The following EBPL variants were observed in gnomAD, a reference collection of about 807,000 sequenced individuals.
The protein encoded by EBPL is emopamil-binding protein-like.
In EBPL, 20 loss-of-function variants were observed where a neutral mutation model predicts 19.0. The observed-to-expected ratio is 1.05, with a 90% CI of 0.74 to 1.53. The LOEUF (loss-of-function observed/expected upper bound fraction) is 1.53. Ranked by LOEUF, EBPL falls within the 40% of genes most tolerant of loss-of-function variation. EBPL has a pLI of 0.00. For missense variants in EBPL, 219 were observed against 261.1 expected (o/e 0.84, Z 1.11); for synonymous variants, 107 against 117.0 (o/e 0.91, Z 0.55).
intron 1 of EBPL, among the ~76,000 whole-genome samples, chr13:49,684,125 C>T (rs1372130302): frequency 6.6e-6 from 1 of 152,128 alleles, no homozygotes; most frequent in Admixed American, 6.5e-5. Context: ...GGATCATCTT[C>T]AAAGGGACAT....
At chr13:49,683,494 A>G (rs1034195830) in intron 1 of EBPL, among the ~76,000 whole-genome samples, 5 of 151,970 alleles carry the variant, frequency 3.3e-5, no homozygotes, top group Admixed American at 6.6e-5. Flanking sequence ...GCACCACTGC[A>G]CTCCAGCCTG....
chr13:49,676,819 T>C (rs940997049), intron 1 of EBPL, among the ~76,000 whole-genome samples: 2 of 152,166 alleles, frequency 1.3e-5, no homozygotes, highest in South Asian at 2.1e-4. Flanking sequence ...TGAGATTTTA[T>C]AGATAATCCC....
intron 2 of EBPL, among the ~76,000 whole-genome samples, chr13:49,665,684 C>T (rs1017543593): frequency 2.0e-5 from 3 of 151,038 alleles, no homozygotes; most frequent in Non-Finnish European, 2.9e-5. Flanking sequence ...GGATTACAGG[C>T]GTGGGCCACC....
At chr13:49,664,659 C>G (rs1267554450) in intron 2 of EBPL, among the ~76,000 whole-genome samples, 2 of 152,034 alleles carry the variant, frequency 1.3e-5, no homozygotes, top group East Asian at 3.9e-4. Context: ...CCTCGTCTCC[C>G]CCTTTAATAC....
At chr13:49,669,111 C>T (rs1953782448) in intron 2 of EBPL, among the ~76,000 whole-genome samples, 1 of 152,100 alleles carries the variant, frequency 6.6e-6, no homozygotes, top group African/African-American at 2.4e-5. Context: ...CATCTCCTGA[C>T]CTGGTGATCT....
intron 1 of EBPL, among the ~76,000 whole-genome samples, chr13:49,687,001 C>T (rs1280782094): frequency 6.6e-6 from 1 of 152,082 alleles, no homozygotes; most frequent in African/African-American, 2.4e-5. Flanking sequence ...TTAGCAAGGC[C>T]TCACTATGTT....
At position 49,661,779 on chromosome 13, in the gene EBPL, A is replaced by C. The variant is rs868476706; in HGVS notation, c.381-571T>G. The C allele has an allele frequency of 4.4e-5, 67 of 1,509,224 alleles. No individual in the cohort carries two copies. The South Asian group carries it at 7.8e-4, about 18-fold the overall frequency. The allele number at this position is 1,509,224 out of a possible 1,614,324, so 93.5% of individuals were successfully genotyped here. On this transcript the variant is annotated intron_variant, in intron 3 of 3. Coordinates refer to ENST00000242827, the MANE Select transcript of EBPL (RefSeq NM_032565.5). The stretch of plus-strand genomic sequence containing the variant: ...AAAAATTTAATTTTTATTGCCAACT[A>C]TCTCTCTAAAATTGGGTGGGGAAGG...
At chr13:49,666,305 G>A (rs1267375196) in intron 2 of EBPL, among the ~76,000 whole-genome samples, 1 of 152,184 alleles carries the variant, frequency 6.6e-6, no homozygotes, top group African/African-American at 2.4e-5. Context: ...CCCTTGATAG[G>A]GAGAGCTATC....
intron 1 of EBPL, among the ~76,000 whole-genome samples, chr13:49,683,086 G>A (rs1236668137): frequency 2.6e-5 from 4 of 152,064 alleles, no homozygotes; most frequent in Non-Finnish European, 5.9e-5. Context: ...CTATTCTCAC[G>A]CCTCAGCCTC....
chr13:49,662,939 A>G, intron 3 of EBPL, 118 bp downstream of exon 3: 1 of 1,370,980 alleles, frequency 7.3e-7, no homozygotes, highest in Non-Finnish European at 9.8e-7. Context: ...CCCAGCCTCT[A>G]TTCTTCCACC....
chr13:49,664,079 G>A (rs1010276226), intron 2 of EBPL, among the ~76,000 whole-genome samples: 4 of 152,058 alleles, frequency 2.6e-5, no homozygotes, highest in Admixed American at 6.6e-5. Flanking sequence ...TGGCGAAACC[G>A]TGTCTCTACT....
At chr13:49,668,771 T>C (rs1953775703) in intron 2 of EBPL, among the ~76,000 whole-genome samples, 1 of 152,084 alleles carries the variant, frequency 6.6e-6, no homozygotes, top group South Asian at 2.1e-4. Flanking sequence ...GGAAAGGATC[T>C]ACAAGACCAC....
intron 1 of EBPL, among the ~76,000 whole-genome samples, chr13:49,686,273 A>T (rs1206215283): frequency 6.6e-6 from 1 of 152,160 alleles, no homozygotes; most frequent in Non-Finnish European, 1.5e-5. Flanking sequence ...CATCTTCAAA[A>T]GAACCAAGAG....
At position 49,691,420 on chromosome 13, in the gene EBPL, C is replaced by T. The variant is rs200094541; in HGVS notation, c.5G>A (p.Gly2Asp). The T allele has an allele frequency of 7.5e-6, 10 of 1,341,214 alleles. No individual in the cohort carries two copies. Among genetic ancestry groups the T allele is most frequent in the African/African-American group, 4.5e-5 (3 of 66,578 alleles). 83.1% of individuals were successfully genotyped at this position (1,341,214 alleles called of 1,614,324 possible). The change falls in exon 1 of 4, where the codon GGC (glycine) becomes GAC (aspartate). Residue 2 changes from glycine (G) to aspartate (D), a missense_variant. Gly to Asp is a moderately conservative substitution (Grantham distance 94). Coordinates refer to ENST00000242827, the MANE Select transcript of EBPL (RefSeq NM_032565.5). M[G>D]AEWELGAEAG... is the part of the protein sequence containing the mutation. ...CTCGGCCCCCAGCTCCCACTCAGCG[C>T]CCATGCTTCAGGCTTCCGACGCCAA...
At chr13:49,677,796 A>T (rs891364075) in intron 1 of EBPL, among the ~76,000 whole-genome samples, 11 of 152,202 alleles carry the variant, frequency 7.2e-5, no homozygotes, top group Admixed American at 2.0e-4. Context: ...TCTTGGTCTC[A>T]ATGACTTCAA....
chr13:49,664,392 C>T (rs1196559122), intron 2 of EBPL, among the ~76,000 whole-genome samples: 2 of 152,160 alleles, frequency 1.3e-5, no homozygotes, highest in African/African-American at 4.8e-5. Flanking sequence ...GGACAGGGAA[C>T]TCACAATGGC....
At chr13:49,690,865 C>T (rs1954054889) in intron 1 of EBPL, among the ~76,000 whole-genome samples, 1 of 152,192 alleles carries the variant, frequency 6.6e-6, no homozygotes, top group African/African-American at 2.4e-5. Flanking sequence ...TTGCTGCCTC[C>T]GGAGCAAGCA....
chr13:49,683,778 C>T (rs954024098), intron 1 of EBPL, among the ~76,000 whole-genome samples: 4 of 152,118 alleles, frequency 2.6e-5, no homozygotes, highest in Non-Finnish European at 2.9e-5. Flanking sequence ...ACAGTACAGC[C>T]GCCGTGGAAA....
At chr13:49,664,868 A>G (rs1965202234) in intron 2 of EBPL, among the ~76,000 whole-genome samples, 1 of 152,104 alleles carries the variant, frequency 6.6e-6, no homozygotes, top group Non-Finnish European at 1.5e-5. Context: ...CACAAGGCAC[A>G]TGCTGAGGGA....
Sources: gnomAD v4.1 joint callset for allele counts (sites outside exome capture counted in the v4.1 genomes callset) on GRCh38, gnomAD v4.1.1 for gene constraint, MANE v1.5 for transcripts, NCBI Gene and HGNC (gene_info 2026-07-23, HGNC 2026-07-21) for gene names.